The following ZNF365 variants were observed in gnomAD, a reference collection of about 807,000 sequenced individuals.
ZNF365 encodes the protein zinc finger protein 365, also known as protein ZNF365.
In ZNF365, 22 loss-of-function variants were observed where a neutral mutation model predicts 35.0. The ratio of observed to expected loss-of-function variants is 0.63; its 90% CI spans 0.45 to 0.90. ZNF365 has a LOEUF of 0.90. Ranked by LOEUF, ZNF365 falls within the 40% of genes least tolerant of loss-of-function variation. ZNF365 has a pLI of 0.00. For synonymous variants in ZNF365, 188 were observed against 196.2 expected (o/e 0.96, Z 0.35); for missense variants, 448 against 500.3 (o/e 0.90, Z 1.00).
At chr10:62,396,282 T>A (rs889869535) in intron 3 of ZNF365, among the ~76,000 whole-genome samples, 2 of 152,208 alleles carry the variant, frequency 1.3e-5, no homozygotes, top group African/African-American at 2.4e-5. Flanking sequence ...CAGTACAGAG[T>A]GAAGCCTTGC....
intron 3 of ZNF365, among the ~76,000 whole-genome samples, chr10:62,448,471 T>G (rs967841286): frequency 3.9e-5 from 6 of 152,222 alleles, no homozygotes; most frequent in Non-Finnish European, 7.3e-5. Flanking sequence ...TCGAAAGTAT[T>G]GCAGTCACTT....
chr10:62,478,455 C>T (rs1209823496), intron 4 of ZNF365, among the ~76,000 whole-genome samples: 3 of 152,220 alleles, frequency 2.0e-5, no homozygotes, highest in Admixed American at 2.0e-4. Context: ...ACATTATTGT[C>T]TTTGGCTACA....
downstream of ZNF365, chr10:62,402,480 G>A: frequency 4.0e-5 from 39 of 984,750 alleles, no homozygotes; most frequent in South Asian, 4.7e-5. Context: ...TAGTTGGAGT[G>A]TTTTTTGGGG....
intron 4 of ZNF365, among the ~76,000 whole-genome samples, chr10:62,475,860 T>TG (rs1160710291): frequency 6.6e-6 from 1 of 152,048 alleles, no homozygotes; most frequent in Non-Finnish European, 1.5e-5. Flanking sequence ...CTGGGTAGTG[T>TG]GGGGGCTGGA....
intron 4 of ZNF365, among the ~76,000 whole-genome samples, chr10:62,465,497 G>C (rs908346578): frequency 2.6e-5 from 4 of 152,184 alleles, no homozygotes; most frequent in Non-Finnish European, 4.4e-5. Flanking sequence ...GTTCCAGGTG[G>C]AGTCCATGAC....
At chr10:62,442,059 G>T (rs1252929347) in intron 3 of ZNF365, among the ~76,000 whole-genome samples, 1 of 152,172 alleles carries the variant, frequency 6.6e-6, no homozygotes, top group Non-Finnish European at 1.5e-5. Flanking sequence ...ATCCCCAGAT[G>T]CTTGGGACAT....
downstream of ZNF365, chr10:62,402,455 T>C: frequency 1.0e-6 from 1 of 985,224 alleles, no homozygotes; most frequent in Non-Finnish European, 1.2e-6. Context: ...GACTAATGTG[T>C]TGATATGTTT....
intron 3 of ZNF365, among the ~76,000 whole-genome samples, chr10:62,395,468 G>T (rs1235846580): frequency 1.3e-5 from 2 of 150,350 alleles, no homozygotes; most frequent in East Asian, 2.0e-4. Context: ...CTCCCGAGTG[G>T]CTGGGATTAC....
chr10:62,383,651 C>T (rs552884547), intron 2 of ZNF365, among the ~76,000 whole-genome samples: 25 of 152,364 alleles, frequency 1.6e-4, no homozygotes, highest in Non-Finnish European at 3.1e-4. Context: ...CACCACAGTG[C>T]GTGAACGCAT....
At chr10:62,470,764 T>C (rs1173888614) in intron 4 of ZNF365, among the ~76,000 whole-genome samples, 1 of 152,178 alleles carries the variant, frequency 6.6e-6, no homozygotes, top group African/African-American at 2.4e-5. Flanking sequence ...TATATACTTA[T>C]TAGTAAAATT....
chr10:62,439,448 C>CAGCTAGGGATGGGACGTGT (rs1840459924), intron 3 of ZNF365, among the ~76,000 whole-genome samples: 1 of 151,848 alleles, frequency 6.6e-6, no homozygotes, highest in Non-Finnish European at 1.5e-5. Context: ...GATTCTCTTG[C>CAGCTAGGGATGGGACGTGT]AGCTAGGGAT....
intron 3 of ZNF365, among the ~76,000 whole-genome samples, chr10:62,408,292 A>T (rs989857783): frequency 1.3e-5 from 2 of 152,184 alleles, no homozygotes; most frequent in African/African-American, 4.8e-5. Flanking sequence ...TACTAAAACA[A>T]AGGGCAACGT....
At chr10:62,475,135 C>T (rs1241447942) in intron 4 of ZNF365, among the ~76,000 whole-genome samples, 1 of 152,204 alleles carries the variant, frequency 6.6e-6, no homozygotes, top group East Asian at 1.9e-4. Flanking sequence ...CGGTCAGCTC[C>T]TTTCCCCTAT....
chr10:62,399,190 A>AAT (rs1839781577), intron 4 of ZNF365, among the ~76,000 whole-genome samples: 1 of 152,186 alleles, frequency 6.6e-6, no homozygotes, highest in African/African-American at 2.4e-5. Context: ...GTCGTCACTT[A>AAT]ACAAGTCAAG....
At chr10:62,383,201 T>G (rs191360266) in intron 2 of ZNF365, among the ~76,000 whole-genome samples, 2 of 152,256 alleles carry the variant, frequency 1.3e-5, no homozygotes, top group Non-Finnish European at 2.9e-5. Flanking sequence ...TGGGCTCAGG[T>G]TAGGTACAGG....
At chr10:62,468,129 G>C (rs527851478) in intron 4 of ZNF365, among the ~76,000 whole-genome samples, 93 of 151,932 alleles carry the variant, frequency 6.1e-4, no homozygotes, top group Non-Finnish European at 1.1e-3. Flanking sequence ...ATTAAAAATA[G>C]CTTTTGTCAT....
At chr10:62,396,747 T>G (rs149709894) in intron 3 of ZNF365, among the ~76,000 whole-genome samples, 1 of 152,346 alleles carries the variant, frequency 6.6e-6, no homozygotes, top group East Asian at 1.9e-4. Context: ...TACACACACA[T>G]GTATTTGTTC....
chr10:62,389,922 G>A (rs1589431055), intron 3 of ZNF365, among the ~76,000 whole-genome samples: 1 of 152,100 alleles, frequency 6.6e-6, no homozygotes, highest in Admixed American at 6.5e-5. Context: ...ATGCTTCTGA[G>A]GGGGAAGTCA....
chr10:62,409,973 T>C (rs10995149), intron 3 of ZNF365, among the ~76,000 whole-genome samples: 91,591 of 151,982 alleles, frequency 0.6, 28,151 homozygotes, highest in East Asian at 0.77. Context: ...CCACATTACC[T>C]TGACTGGCCC....
Sources: gnomAD v4.1 joint callset for allele counts (sites outside exome capture counted in the v4.1 genomes callset) on GRCh38, gnomAD v4.1.1 for gene constraint, MANE v1.5 for transcripts, NCBI Gene and HGNC (gene_info 2026-07-23, HGNC 2026-07-21) for gene names.